Variants in SVOPL observed in about 807,000 individuals in gnomAD.
The protein encoded by SVOPL is putative transporter SVOPL.
A neutral mutation model predicts 61.0 loss-of-function variants in SVOPL; 60 were observed. The ratio of observed to expected loss-of-function variants is 0.98; its 90% CI spans 0.80 to 1.22. SVOPL has a LOEUF of 1.22. Among genes scored for constraint, SVOPL ranks in the 50% most tolerant of loss-of-function variants. The probability of loss-of-function intolerance (pLI) is 0.00; values close to 1 mark genes in which losing one functional copy is unlikely to be tolerated. For missense variants in SVOPL, 662 were observed against 643.9 expected (o/e 1.03, Z -0.30); for synonymous variants, 279 against 250.0 (o/e 1.12, Z -1.09).
At chr7:138,614,369 G>A (rs546176143) in intron 14 of SVOPL, among the ~76,000 whole-genome samples, 5 of 150,916 alleles carry the variant, frequency 3.3e-5, no homozygotes, top group African/African-American at 9.8e-5. Context: ...GGCTAGTTCC[G>A]CTGAATTTTG....
intron 3 of SVOPL, among the ~76,000 whole-genome samples, chr7:138,675,997 CAT>C (rs1802550426): frequency 3.3e-5 from 5 of 152,104 alleles, no homozygotes; most frequent in Non-Finnish European, 5.9e-5. Context: ...TGCCACCACA[CAT>C]AGTTTTTTGT....
chr7:138,610,640 G>A (rs145669032), intron 14 of SVOPL, among the ~76,000 whole-genome samples: 139 of 152,222 alleles, frequency 9.1e-4, no homozygotes, highest in Middle Eastern at 6.8e-3. Context: ...CTCCTTGACC[G>A]AACCCTAGCC....
intron 8 of SVOPL, among the ~76,000 whole-genome samples, chr7:138,648,218 C>T (rs1168273364): frequency 2.0e-5 from 3 of 152,050 alleles, no homozygotes; most frequent in South Asian, 2.1e-4. Context: ...AGGACGGAGC[C>T]GTCAGACAAA....
At chr7:138,684,039 T>C (rs1366206946) in intron 1 of SVOPL, among the ~76,000 whole-genome samples, 1 of 150,380 alleles carries the variant, frequency 6.6e-6, no homozygotes, top group Non-Finnish European at 1.5e-5. Flanking sequence ...GGTGACAGAA[T>C]GGGACTCTAT....
At chr7:138,608,063 C>G (rs1039709615) in intron 14 of SVOPL, among the ~76,000 whole-genome samples, 1 of 152,134 alleles carries the variant, frequency 6.6e-6, no homozygotes, top group African/African-American at 2.4e-5. Flanking sequence ...TAGCAAGACA[C>G]ATAGGATCTA....
At chr7:138,622,379 C>G (rs1799709631) in intron 13 of SVOPL, among the ~76,000 whole-genome samples, 1 of 152,176 alleles carries the variant, frequency 6.6e-6, no homozygotes, top group African/African-American at 2.4e-5. Context: ...ACTGCATCAT[C>G]CACCTTCTGG....
chr7:138,642,867 T>C (rs1340816871), intron 9 of SVOPL, among the ~76,000 whole-genome samples: 1 of 143,430 alleles, frequency 7.0e-6, no homozygotes, highest in Non-Finnish European at 1.5e-5. Context: ...ACAAAATTTT[T>C]AATAATAATA....
chr7:138,700,559 T>G (rs1457595826), intron 1 of SVOPL, among the ~76,000 whole-genome samples: 2 of 152,062 alleles, frequency 1.3e-5, no homozygotes, highest in Non-Finnish European at 2.9e-5. Context: ...CAGGCTGGTC[T>G]TGAACTCCTG....
chr7:138,646,517 TTG>T (rs1801120924), intron 8 of SVOPL: 1 of 147,774 alleles, frequency 6.8e-6, no homozygotes, highest in African/African-American at 2.7e-5. Flanking sequence ...TTTGTTGTTG[TTG>T]GTTTTTTGTT....
chr7:138,669,517 G>C (rs993280427), intron 4 of SVOPL, among the ~76,000 whole-genome samples: 1 of 152,180 alleles, frequency 6.6e-6, no homozygotes, highest in Non-Finnish European at 1.5e-5. Flanking sequence ...AAGAGAAGAG[G>C]CTGGGGGTAT....
intron 1 of SVOPL, among the ~76,000 whole-genome samples, chr7:138,679,350 A>T (rs1802651707): frequency 6.6e-6 from 1 of 150,848 alleles, no homozygotes; most frequent in Non-Finnish European, 1.5e-5. Context: ...GCTCACTACA[A>T]CCTCCGCCTT....
chr7:138,604,969 A>C (rs1277996525), intron 14 of SVOPL, among the ~76,000 whole-genome samples: 1 of 151,724 alleles, frequency 6.6e-6, no homozygotes, highest in Non-Finnish European at 1.5e-5. Flanking sequence ...TAATCCCAGC[A>C]CTTTGGGAGG....
At chr7:138,673,844 G>A (rs1489783488) in intron 3 of SVOPL, among the ~76,000 whole-genome samples, 1 of 152,050 alleles carries the variant, frequency 6.6e-6, no homozygotes. Flanking sequence ...AGCCAGGGTG[G>A]GGTACACAGA....
chr7:138,689,139 C>A, intron 1 of SVOPL: 4 of 891,754 alleles, frequency 4.5e-6, no homozygotes, highest in Non-Finnish European at 7.6e-6. Flanking sequence ...TGTCACTTTA[C>A]AGAAATAGTG....
chr7:138,699,693 C>G (rs879719285), intron 1 of SVOPL, among the ~76,000 whole-genome samples: 1 of 152,178 alleles, frequency 6.6e-6, no homozygotes, highest in Non-Finnish European at 1.5e-5. Context: ...AGCTTTCAAA[C>G]TTCAGTTCTT....
chr7:138,673,218 T>C (rs952008836), intron 3 of SVOPL, among the ~76,000 whole-genome samples: 3 of 152,162 alleles, frequency 2.0e-5, no homozygotes, highest in African/African-American at 7.2e-5. Flanking sequence ...AAAGCTGGAA[T>C]GATGTCAGCC....
At position 138,626,060 on chromosome 7, in the gene SVOPL, A is replaced by C; in HGVS notation, c.1182-10T>G. 1.2e-6 allele frequency: 2 copies of C among 1,613,948 alleles called. No homozygotes were observed. Among genetic ancestry groups the C allele is most frequent in the Non-Finnish European group, 1.7e-6 (2 of 1,179,948 alleles). The stretch of plus-strand genomic sequence containing the variant: ...GCCAATCAGGCCGGCACTAGAAAAC[A>C]GGAAGCGGAGAGAAATTATAAAAGG... On this transcript the variant is annotated splice_polypyrimidine_tract_variant and intron_variant, in intron 12 of 15. Coordinates refer to ENST00000674285, the MANE Select transcript of SVOPL (RefSeq NM_001139456.2).
chr7:138,596,300 A>C lies in SVOPL; in HGVS notation c.1467+117T>G, dbSNP rs1240158265. 6 of 868,054 alleles carry C rather than the reference A, an allele frequency of 6.9e-6. No homozygotes were observed. In the Admixed American group the frequency reaches 1.2e-4, roughly 17 times the overall value. The allele number at this position is 868,054 out of a possible 1,614,324, so 53.8% of individuals were successfully genotyped here. A position where few individuals can be genotyped will look rare whatever the true frequency, so the allele number is the denominator to read the frequency against. ...TTATTCAAACTACAACTTTACAGAAAGAAATCTGATATGAATTATTAGTTA... is the reference window on the plus strand; with the variant it reads ...TTATTCAAACTACAACTTTACAGAACGAAATCTGATATGAATTATTAGTTA... On this transcript the variant is annotated intron_variant, in intron 15 of 15. Transcript: ENST00000674285.
chr7:138,655,355 A>G (rs964891663), intron 7 of SVOPL, among the ~76,000 whole-genome samples: 1 of 152,068 alleles, frequency 6.6e-6, no homozygotes, highest in East Asian at 1.9e-4. Context: ...AATATAAAAA[A>G]TTAGCTGGGC....
Sources: gnomAD v4.1 joint callset for allele counts (sites outside exome capture counted in the v4.1 genomes callset) on GRCh38, gnomAD v4.1.1 for gene constraint, MANE v1.5 for transcripts, NCBI Gene and HGNC (gene_info 2026-07-23, HGNC 2026-07-21) for gene names.